Variants in KDM4A observed in about 807,000 individuals in gnomAD.
KDM4A encodes lysine demethylase 4A.
Under a neutral mutation model 127.1 loss-of-function variants are expected in KDM4A, and 23 were observed. The observed-to-expected ratio is 0.18, with a 90% CI of 0.13 to 0.26. KDM4A has a LOEUF of 0.26. Ranked by LOEUF, KDM4A falls within the 10% of genes least tolerant of loss-of-function variation. The pLI is 1.00. For synonymous variants in KDM4A, 443 were observed against 466.5 expected, an observed-to-expected ratio of 0.95 and a Z score of 0.65; for missense variants, 890 against 1,329.1, an observed-to-expected ratio of 0.67 and a Z score of 5.14.
At chr1:43,681,684 A>G (rs1557913973) in intron 11 of KDM4A, among the ~76,000 whole-genome samples, 2 of 152,058 alleles carry the variant, frequency 1.3e-5, no homozygotes. Context: ...GTTTAGGCCT[A>G]TTGTCCAGGT....
rs3791037 is a variant in KDM4A, at chr1:43,694,387, G to A, written c.2484+285G>A. Among the ~76,000 whole-genome samples, 49,179 of 151,768 alleles carry A rather than the reference G, an allele frequency of 0.32. 9,296 individuals carry two copies. The highest frequency in any genetic ancestry group is 0.49 in the East Asian group (2,515 of 5,140). ...TAAAATTAGCTGGGAGTGGTGGTGC[G>A]CACCTATAATCCCAGCTCCTCGGGA... On this transcript the variant is annotated intron_variant, in intron 17 of 21. Transcript: ENST00000372396. The surrounding 1 kb of genome is among the most constrained non-coding windows in gnomAD (Gnocchi z 5.2).
intron 3 of KDM4A, among the ~76,000 whole-genome samples, chr1:43,656,725 C>T (rs866206014): frequency 2.0e-5 from 3 of 150,894 alleles, no homozygotes; most frequent in Admixed American, 6.6e-5. Context: ...GCTCTGACTA[C>T]TCCATCTTTT....
intron 11 of KDM4A, among the ~76,000 whole-genome samples, chr1:43,680,816 A>AG (rs1165479001): frequency 6.6e-6 from 1 of 152,262 alleles, no homozygotes; most frequent in Non-Finnish European, 1.5e-5. Context: ...TGGATGATCC[A>AG]GGGTACGCTC....
intron 3 of KDM4A, among the ~76,000 whole-genome samples, chr1:43,657,745 CTTTTCT>C (rs1309877934): frequency 2.2e-5 from 3 of 135,650 alleles, no homozygotes; most frequent in Non-Finnish European, 3.1e-5. Context: ...AAGGCTTTTT[CTTTTCT>C]TTTTTTTTTT....
intron 3 of KDM4A, among the ~76,000 whole-genome samples, chr1:43,657,668 C>G (rs1436412097): frequency 6.6e-6 from 1 of 152,142 alleles, no homozygotes; most frequent in Non-Finnish European, 1.5e-5. Context: ...AACTCACCTG[C>G]CTTCTGTTTC....
At chr1:43,676,492 T>C (rs1164547585) in intron 11 of KDM4A, among the ~76,000 whole-genome samples, 3 of 152,102 alleles carry the variant, frequency 2.0e-5, no homozygotes, top group Non-Finnish European at 2.9e-5. Flanking sequence ...GGCTAATTTT[T>C]GTATTTTTAG....
intron 4 of KDM4A, among the ~76,000 whole-genome samples, chr1:43,662,499 G>A (rs780853588): frequency 3.3e-5 from 5 of 152,058 alleles, no homozygotes; most frequent in Non-Finnish European, 5.9e-5. Flanking sequence ...TCCCAGGTGC[G>A]CGGGAGGCTG....
Position 43,688,442 on chromosome 1 carries a change from A to G in KDM4A, c.1856-472A>G, listed in dbSNP as rs1036544809. ...CCTGGCCAAGGACCATGATATTACAACTTTTAAGCTTTGCCAATTCCCTGT... is the reference window on the plus strand; with the variant it reads ...CCTGGCCAAGGACCATGATATTACAGCTTTTAAGCTTTGCCAATTCCCTGT... On this transcript the variant is annotated intron_variant, in intron 12 of 21. Coordinates refer to ENST00000372396, the MANE Select transcript of KDM4A (RefSeq NM_014663.3). This position sits in a 1 kb window ranked among gnomAD's most constrained non-coding sequence, Gnocchi z 4.4. Among the ~76,000 whole-genome samples, 6 of 152,024 alleles carry G rather than the reference A, an allele frequency of 3.9e-5. No homozygotes were observed. The highest frequency in any genetic ancestry group is 9.7e-5 in the African/African-American group (4 of 41,272).
chr1:43,704,119 A>G lies in KDM4A; in HGVS notation c.3054+7A>G. 6.2e-7 allele frequency: 1 copy of G among 1,613,336 alleles called. No individual in the cohort carries two copies. Among genetic ancestry groups the G allele is most frequent in the Non-Finnish European group, 8.5e-7 (1 of 1,179,358 alleles). On this transcript the variant is annotated splice_region_variant and intron_variant, in intron 21 of 21. Coordinates refer to ENST00000372396, the MANE Select transcript of KDM4A (RefSeq NM_014663.3). The stretch of plus-strand genomic sequence containing the variant: ...GAGAGTCAAATCTAGACTGGTGAGT[A>G]TTTTCTGTGTCCCCCCAGTTCCTGT...
intron 3 of KDM4A, among the ~76,000 whole-genome samples, chr1:43,659,271 C>T (rs1473267075): frequency 1.3e-5 from 2 of 152,124 alleles, no homozygotes; most frequent in African/African-American, 4.8e-5. Flanking sequence ...CCAGGCTGGG[C>T]AGCAGAGCAA....
chr1:43,676,927 G>A (rs966389334), intron 11 of KDM4A, among the ~76,000 whole-genome samples: 2 of 152,018 alleles, frequency 1.3e-5, no homozygotes, highest in African/African-American at 4.8e-5. Context: ...CAAACACTAG[G>A]TCTTATTTCT....
At chr1:43,670,618 C>G (rs1003474938) in intron 10 of KDM4A, among the ~76,000 whole-genome samples, 9 of 135,998 alleles carry the variant, frequency 6.6e-5, no homozygotes, top group African/African-American at 1.1e-4. Flanking sequence ...GGCTGGAGTG[C>G]AAAGGCATGA....
Position 43,683,770 on chromosome 1 carries a change from C to T in KDM4A, c.1821C>T (p.His607=). 1 of 1,614,172 alleles carries T rather than the reference C, an allele frequency of 6.2e-7. No homozygotes were observed. Among genetic ancestry groups the T allele is most frequent in the South Asian group, 1.1e-5 (1 of 91,072 alleles). Residue 607 remains histidine (H), a synonymous_variant, in exon 12 of 22, where the codon CAC becomes CAT. Coordinates refer to ENST00000372396, the MANE Select transcript of KDM4A (RefSeq NM_014663.3). ...CTTTAAGCAAGCTCCCCCGCCATCA[C>T]CCACTTGTGCTGCAGGAGTGTGTCA... is the stretch of plus-strand genomic sequence containing the variant. ...RQPLSKLPRH[H]PLVLQECVSD... is the part of the protein sequence containing the mutation.
intron 10 of KDM4A, 80 bp downstream of exon 10, chr1:43,669,379 C>G: frequency 1.4e-6 from 2 of 1,414,508 alleles, no homozygotes; most frequent in Non-Finnish European, 2.0e-6. Context: ...AGTGCTGGGT[C>G]AGAAATAAAA....
chr1:43,668,249 C>A (rs1660544079), intron 9 of KDM4A, among the ~76,000 whole-genome samples: 1 of 152,144 alleles, frequency 6.6e-6, no homozygotes, highest in Admixed American at 6.5e-5. Flanking sequence ...CCTCAGCCTC[C>A]CGAGTAGCTG....
intron 3 of KDM4A, among the ~76,000 whole-genome samples, chr1:43,658,553 G>C (rs1417645076): frequency 2.1e-5 from 3 of 142,696 alleles, no homozygotes; most frequent in Non-Finnish European, 4.5e-5. Context: ...GCGCGGGCTA[G>C]AGTGCAGTGG....
chr1:43,668,964 G>T (rs1660559945), intron 9 of KDM4A, 136 bp from the exon 10 acceptor site: 1 of 769,040 alleles, frequency 1.3e-6, no homozygotes, highest in Non-Finnish European at 2.2e-6. Flanking sequence ...TCACAAATAA[G>T]AGGTGTCCCT....
intron 5 of KDM4A, 58 bp from the exon 6 acceptor site, chr1:43,665,638 T>C: frequency 6.5e-7 from 1 of 1,532,648 alleles, no homozygotes; most frequent in Non-Finnish European, 9.0e-7. Context: ...TGGGAATAAG[T>C]CCCTTAGCTT....
intron 14 of KDM4A, 137 bp from the exon 15 acceptor site, chr1:43,691,359 C>G (rs1661105744): frequency 6.3e-6 from 5 of 797,900 alleles, no homozygotes; most frequent in Non-Finnish European, 1.1e-5. Flanking sequence ...GCCCTGGGGA[C>G]TCAGACTAAA....
Sources: gnomAD v4.1 joint callset for allele counts (sites outside exome capture counted in the v4.1 genomes callset) on GRCh38, gnomAD v4.1.1 for gene constraint, Gnocchi (gnomAD v3.1) non-coding constraint, MANE v1.5 for transcripts, NCBI Gene and HGNC (gene_info 2026-07-23, HGNC 2026-07-21) for gene names.